Variants in CACNA1I observed in about 807,000 individuals in gnomAD.
The protein encoded by CACNA1I is voltage-dependent T-type calcium channel subunit alpha-1I.
Under a neutral mutation model 201.6 loss-of-function variants are expected in CACNA1I, and 74 were observed. The ratio of observed to expected loss-of-function variants is 0.37; its 90% CI spans 0.30 to 0.45. The LOEUF is 0.45. Ranked by LOEUF, CACNA1I falls within the 20% of genes least tolerant of loss-of-function variation. The probability of loss-of-function intolerance (pLI) is 1.00; values close to 1 mark genes in which losing one functional copy is unlikely to be tolerated. For synonymous variants in CACNA1I, 1,431 were observed against 1,345.2 expected, an observed-to-expected ratio of 1.06 and a Z score of -1.40; for missense variants, 2,346 against 3,138.1, an observed-to-expected ratio of 0.75 and a Z score of 6.03.
rs968381215 is a variant in CACNA1I at position 39,640,899 on chromosome 22, A to G, written c.773A>G (p.Gln258Arg). The change falls in exon 6 of 37, where the codon CAG becomes CGG. Residue 258 changes from glutamine (Q) to arginine (R), a missense_variant. Physicochemically the swap from Gln to Arg is conservative, Grantham distance 43. Coordinates refer to ENST00000402142, the MANE Select transcript of CACNA1I (RefSeq NM_021096.4). ...QGDVALPPYY[Q>R]PEEDDEMPFI... ...GATGTGGCCTTGCCCCCATACTACC[A>G]GCCGGAGGAGGATGATGAGATGCCC... is the stretch of plus-strand genomic sequence containing the variant. 1 of 1,613,664 alleles carries G rather than the reference A, an allele frequency of 6.2e-7. No individual in the cohort carries two copies. Among genetic ancestry groups the G allele is most frequent in the Non-Finnish European group, 8.5e-7 (1 of 1,179,726 alleles).
chr22:39,649,358 C>G lies in CACNA1I; in HGVS notation c.1568-143C>G. 1.2e-6 allele frequency: 1 copy of G among 822,684 alleles called. No homozygotes were observed. Among genetic ancestry groups the G allele is most frequent in the Non-Finnish European group, 1.8e-6 (1 of 546,126 alleles). 51.0% of individuals were successfully genotyped at this position (822,684 alleles called of 1,614,324 possible). On this transcript the variant is annotated intron_variant, in intron 9 of 36. Coordinates refer to ENST00000402142, the MANE Select transcript of CACNA1I (RefSeq NM_021096.4). This position sits in a 1 kb window ranked among gnomAD's most constrained non-coding sequence, Gnocchi z 7.3. ...AGAGCTGCAGCCGCTTCCCCAGGCA[C>G]CCCTGACCGCCTTTCCAGGCTGGGT... is the stretch of plus-strand genomic sequence containing the variant.
intron 1 of CACNA1I, among the ~76,000 whole-genome samples, chr22:39,577,428 G>A (rs897709350): frequency 1.3e-5 from 2 of 152,250 alleles, no homozygotes; most frequent in Non-Finnish European, 2.9e-5. Flanking sequence ...CTGGCACTGG[G>A]CAAGAAGAGG....
chr22:39,659,944 T>A lies in CACNA1I; in HGVS notation c.2604+92T>A. The A allele has an allele frequency of 6.8e-7, 1 of 1,472,850 alleles. No individual in the cohort carries two copies. The highest frequency in any genetic ancestry group is 9.4e-7 in the Non-Finnish European group (1 of 1,062,602). 91.2% of individuals were successfully genotyped at this position (1,472,850 alleles called of 1,614,324 possible). A position where few individuals can be genotyped will look rare whatever the true frequency, so the allele number is the denominator to read the frequency against. On this transcript the variant is annotated intron_variant, in intron 14 of 36. Transcript: ENST00000402142. This position sits in a 1 kb window ranked among gnomAD's most constrained non-coding sequence, Gnocchi z 4.3. ...GGCCTGGATGGGGGAGGGCTGCAAT[T>A]CAAACTTCTAGCAGGCAACCTATCC...
chr22:39,679,088 C>A lies in CACNA1I; in HGVS notation c.5056-19C>A, dbSNP rs372701262. 7 of 1,556,436 alleles carry A rather than the reference C, an allele frequency of 4.5e-6. No homozygotes were observed. Among genetic ancestry groups the A allele is most frequent in the East Asian group, 4.7e-5 (2 of 42,642 alleles). ...GGGATGTCTCCGTCCTCATCCTCACCGCCCTCCCTGCCACGCAGGACACGC... is the reference window on the plus strand; with the variant it reads ...GGGATGTCTCCGTCCTCATCCTCACAGCCCTCCCTGCCACGCAGGACACGC... On this transcript the variant is annotated intron_variant, in intron 31 of 36. Transcript: ENST00000402142.
intron 3 of CACNA1I, among the ~76,000 whole-genome samples, chr22:39,603,949 T>C (rs1285141688): frequency 6.6e-6 from 1 of 152,220 alleles, no homozygotes; most frequent in African/African-American, 2.4e-5. Context: ...TGTAATTTCA[T>C]AGCATCCAGA....
At chr22:39,656,837 C>G (rs1388528451) in intron 10 of CACNA1I, 2 of 507,650 alleles carry the variant, frequency 3.9e-6, no homozygotes, top group Non-Finnish European at 7.9e-6. Context: ...AACGGAGAGG[C>G]TAACTTGTGT....
intron 1 of CACNA1I, among the ~76,000 whole-genome samples, chr22:39,574,862 C>G (rs1418745844): frequency 6.6e-6 from 1 of 152,232 alleles, no homozygotes. Context: ...GTCCCCCAGA[C>G]AGCCTGTCCT....
Position 39,666,105 on chromosome 22 carries a change from T to G in CACNA1I, c.4104+99T>G. ...CTGGCTTGTCTTGCACTGCCAGGAC[T>G]GACACTGACTTCTCCTCTCCAAGCC... On this transcript the variant is annotated intron_variant, in intron 23 of 36. Coordinates refer to ENST00000402142, the MANE Select transcript of CACNA1I (RefSeq NM_021096.4). The surrounding 1 kb of genome is among the most constrained non-coding windows in gnomAD (Gnocchi z 4.1). 7.1e-7 allele frequency: 1 copy of G among 1,407,056 alleles called. No homozygotes were observed. The highest frequency in any genetic ancestry group is 9.7e-7 in the Non-Finnish European group (1 of 1,025,908). 87.2% of individuals were successfully genotyped at this position (1,407,056 alleles called of 1,614,324 possible).
intron 1 of CACNA1I, among the ~76,000 whole-genome samples, chr22:39,597,900 G>A (rs1932925885): frequency 6.6e-6 from 1 of 152,192 alleles, no homozygotes; most frequent in South Asian, 2.1e-4. Context: ...GAGCTCTCAG[G>A]CTGGGGCAAG....
In CACNA1I at chr22:39,665,394, A is replaced by G. The variant is rs921723873; in HGVS notation, c.3852-104A>G. On this transcript the variant is annotated intron_variant, in intron 21 of 36. Transcript: ENST00000402142. The surrounding 1 kb of genome is among the most constrained non-coding windows in gnomAD (Gnocchi z 5.5). ...TGTTCAGCCCTGGTGAGCCCTGGGG[A>G]CTCATGCCCTGGGATACTCAGCCCT... The G allele has an allele frequency of 2.7e-5, 37 of 1,366,754 alleles. No individual in the cohort carries two copies. In the African/African-American group the frequency reaches 5.2e-4, roughly 19 times the overall value. 84.7% of individuals were successfully genotyped at this position (1,366,754 alleles called of 1,614,324 possible).
chr22:39,627,345 C>T (rs1001848034), intron 4 of CACNA1I, among the ~76,000 whole-genome samples: 2 of 152,208 alleles, frequency 1.3e-5, no homozygotes, highest in Non-Finnish European at 2.9e-5. Flanking sequence ...ACGAGGCAGG[C>T]GGGGGGCCAG....
chr22:39,666,049 T>C lies in CACNA1I; in HGVS notation c.4104+43T>C, dbSNP rs747846929. 1.3e-6 allele frequency: 2 copies of C among 1,590,822 alleles called. No individual in the cohort carries two copies. Among genetic ancestry groups the C allele is most frequent in the Non-Finnish European group, 1.7e-6 (2 of 1,167,068 alleles). On this transcript the variant is annotated intron_variant, in intron 23 of 36. Coordinates refer to ENST00000402142, the MANE Select transcript of CACNA1I (RefSeq NM_021096.4). The surrounding 1 kb of genome is among the most constrained non-coding windows in gnomAD (Gnocchi z 4.1). ...AGCCCTGATCAGACCCTCCCCTCTC[T>C]TGGATGCCAGTGGCTCTGGGAATCA...
chr22:39,588,989 C>A (rs1335910682), intron 1 of CACNA1I, among the ~76,000 whole-genome samples: 1 of 152,216 alleles, frequency 6.6e-6, no homozygotes, highest in African/African-American at 2.4e-5. Context: ...GCTTCTCATG[C>A]ATGGCACTGG....
chr22:39,609,561 G>A (rs1933322597), intron 3 of CACNA1I, among the ~76,000 whole-genome samples: 2 of 152,218 alleles, frequency 1.3e-5, no homozygotes, highest in Non-Finnish European at 2.9e-5. Context: ...AGGAAAGAAG[G>A]GTGAAGAGTG....
At chr22:39,581,959 C>T (rs1932566206) in intron 1 of CACNA1I, among the ~76,000 whole-genome samples, 2 of 152,272 alleles carry the variant, frequency 1.3e-5, no homozygotes, top group East Asian at 1.9e-4. Flanking sequence ...GCTATCTGGC[C>T]TCTCTGAGTG....
intron 3 of CACNA1I, among the ~76,000 whole-genome samples, chr22:39,619,097 C>G (rs1933649293): frequency 6.6e-6 from 1 of 152,166 alleles, no homozygotes. Context: ...TAAGCCCTTG[C>G]CCACATCTGT....
At chr22:39,630,247 C>G (rs956009425) in intron 4 of CACNA1I, among the ~76,000 whole-genome samples, 1 of 152,250 alleles carries the variant, frequency 6.6e-6, no homozygotes, top group African/African-American at 2.4e-5. Context: ...AACCCTTTCT[C>G]CCTTCTCTGT....
Position 39,646,634 on chromosome 22 carries a change from G to T in CACNA1I, c.1215G>T (p.Lys405Asn). ...TAGCGACCCAGTTCTCGGAGACCAA[G>T]CAACGGGAGCACCGGCTGATGCTGG... is the stretch of plus-strand genomic sequence containing the variant. ...VVIATQFSET[K>N]QREHRLMLEQ... is the part of the protein sequence containing the mutation. The change falls in exon 8 of 37, where the codon AAG (lysine) becomes AAT (asparagine). Residue 405 changes from lysine (K) to asparagine (N), a missense_variant. This residue lies in a region of CACNA1I where 227 missense variants were observed against 412.5 expected (regional missense o/e 0.55). Transcript: ENST00000402142. The T allele has an allele frequency of 1.3e-6, 2 of 1,572,894 alleles. No homozygotes were observed. Among genetic ancestry groups the T allele is most frequent in the South Asian group, 2.3e-5 (2 of 85,626 alleles).
At chr22:39,625,065 G>A (rs1452800941) in intron 4 of CACNA1I, among the ~76,000 whole-genome samples, 6 of 151,902 alleles carry the variant, frequency 3.9e-5, no homozygotes, top group South Asian at 2.1e-4. Context: ...CCACCACCAC[G>A]TCCAGCTAAT....
Sources: allele counts gnomAD v4.1 joint callset (sites outside exome capture counted in the v4.1 genomes callset), GRCh38; gene constraint gnomAD v4.1.1; regional missense constraint gnomAD v4.1.1; non-coding constraint Gnocchi (gnomAD v3.1); transcripts MANE v1.5; gene names NCBI Gene and HGNC (gene_info 2026-07-23, HGNC 2026-07-21).